Variants in DIP2B observed in about 807,000 individuals in gnomAD.
The protein encoded by DIP2B is disco-interacting protein 2 homolog B.
A neutral mutation model predicts 198.0 loss-of-function variants in DIP2B; 76 were observed. That is an observed-to-expected ratio of 0.38 (90% CI 0.32 to 0.46). DIP2B has a LOEUF of 0.46. Among genes scored for constraint, DIP2B ranks in the 20% least tolerant of loss-of-function variants. The pLI, the probability that DIP2B is intolerant of heterozygous loss-of-function variation, is 0.99. For synonymous variants in DIP2B, 701 were observed against 739.1 expected (o/e 0.95, Z 0.84); for missense variants, 1,559 against 1,978.4 (o/e 0.79, Z 4.02).
At chr12:50,525,513 C>CT (rs747688876) in intron 1 of DIP2B, among the ~76,000 whole-genome samples, 8,954 of 139,328 alleles carry the variant, frequency 0.064, 698 homozygotes, top group East Asian at 0.36. Context: ...TCTAGGTCCC[C>CT]TTTTTTTTTT....
chr12:50,543,858 AG>A (rs1160853766), intron 1 of DIP2B, among the ~76,000 whole-genome samples: 1 of 141,546 alleles, frequency 7.1e-6, no homozygotes, highest in Non-Finnish European at 1.5e-5. Context: ...TGGGAGGCAG[AG>A]GTTGCAGTGA....
At chr12:50,593,707 C>CCTCCCCTCCTCTCCTCTCCTCTCCT in intron 1 of DIP2B, among the ~76,000 whole-genome samples, 1 of 27,404 alleles carries the variant, frequency 3.6e-5, no homozygotes, top group East Asian at 2.1e-3. Context: ...TCTCCTCTCC[C>CCTCCCCTCCTCTCCTCTCCTCTCCT]CTCCTCTCCT....
rs1049638988 is a variant in DIP2B at position 50,628,917 on chromosome 12, C to T, written c.172+2870C>T. On this transcript the variant is annotated intron_variant, in intron 2 of 37. Transcript: ENST00000301180. ...TGTTTTGAGCAGGGTCTGGCTCTGT[C>T]GCCCAGGCTGGAGTGCAGTGGTGTG... Among the ~76,000 whole-genome samples the T allele has an allele frequency of 5.3e-5, 8 of 152,098 alleles. No homozygotes were observed. The East Asian group carries it at 1.3e-3, about 26-fold the overall frequency.
chr12:50,681,060 C>T (rs1939031808), intron 9 of DIP2B, among the ~76,000 whole-genome samples: 1 of 152,078 alleles, frequency 6.6e-6, no homozygotes, highest in Admixed American at 6.6e-5. Context: ...ATATTTGAAT[C>T]TTTAGACAAT....
chr12:50,725,714 A>G (rs1444179279), intron 28 of DIP2B, among the ~76,000 whole-genome samples: 1 of 152,240 alleles, frequency 6.6e-6, no homozygotes, highest in Non-Finnish European at 1.5e-5. Context: ...TATCCTTACA[A>G]TAACCCTGTA....
rs566711965 is a variant in DIP2B at position 50,660,543 on chromosome 12, C to T, written c.427+224C>T. On this transcript the variant is annotated intron_variant, in intron 4 of 37. Transcript: ENST00000301180. ...TTCAAAACTAAACAAAAAAACTTTC[C>T]TTCTGAATTTCCAGTCTTTTTTTTT... Among the ~76,000 whole-genome samples the T allele has an allele frequency of 7.9e-5, 12 of 152,050 alleles. No individual in the cohort carries two copies. The East Asian group carries it at 2.3e-3, about 29-fold the overall frequency.
intron 1 of DIP2B, among the ~76,000 whole-genome samples, chr12:50,506,246 T>A (rs1271889195): frequency 6.6e-6 from 1 of 152,170 alleles, no homozygotes; most frequent in Non-Finnish European, 1.5e-5. Flanking sequence ...TGATTGTGTC[T>A]CCAGAGTTGC....
At position 50,746,830 on chromosome 12, in the gene DIP2B, C is replaced by G. The variant is rs904250598; in HGVS notation, c.*1991C>G. The G allele has an allele frequency of 1.3e-5, 2 of 152,160 alleles. No individual in the cohort carries two copies. Among genetic ancestry groups the G allele is most frequent in the African/African-American group, 4.8e-5 (2 of 41,422 alleles). The allele number at this position is 152,160 out of a possible 1,614,324, so 9.4% of individuals were successfully genotyped here. On this transcript the variant is annotated 3_prime_UTR_variant, in exon 38 of 38. Transcript: ENST00000301180. ...CTGAAGCTGATATAAATAAGTCTAGCTCTATAATCCCCAAGTTCTAAAAGT... is the reference window on the plus strand; with the variant it reads ...CTGAAGCTGATATAAATAAGTCTAGGTCTATAATCCCCAAGTTCTAAAAGT...
At chr12:50,553,151 T>C (rs1958441704) in intron 1 of DIP2B, among the ~76,000 whole-genome samples, 1 of 152,224 alleles carries the variant, frequency 6.6e-6, no homozygotes, top group East Asian at 1.9e-4. Flanking sequence ...TAGTTTTCTA[T>C]ATGGTGTCAG....
In DIP2B at chr12:50,689,276, G is replaced by A. The variant is rs189010178; in HGVS notation, c.1552-1773G>A. 1.1e-4 allele frequency among the ~76,000 whole-genome samples: 16 copies of A among 147,106 alleles called. No individual in the cohort carries two copies. The East Asian group carries it at 3.1e-3, about 28-fold the overall frequency. On this transcript the variant is annotated intron_variant, in intron 12 of 37. Transcript: ENST00000301180. ...TAACCGGGTGTGGTGGCACATGCCTGTAGTCCCAGCTACTTGGGAGGCTGA... is the reference window on the plus strand; with the variant it reads ...TAACCGGGTGTGGTGGCACATGCCTATAGTCCCAGCTACTTGGGAGGCTGA...
At chr12:50,665,224 T>TGC (rs1938729048) in intron 4 of DIP2B, among the ~76,000 whole-genome samples, 1 of 152,168 alleles carries the variant, frequency 6.6e-6, no homozygotes, top group South Asian at 2.1e-4. Context: ...CTTCATGGAA[T>TGC]TATAGTACAT....
intron 1 of DIP2B, among the ~76,000 whole-genome samples, chr12:50,516,517 G>A (rs1958066679): frequency 6.6e-6 from 1 of 151,994 alleles, no homozygotes; most frequent in Non-Finnish European, 1.5e-5. Context: ...GCCTCCCAAA[G>A]TGCAGAGATT....
At chr12:50,654,081 C>T (rs925650044) in intron 3 of DIP2B, among the ~76,000 whole-genome samples, 1 of 152,002 alleles carries the variant, frequency 6.6e-6, no homozygotes, top group African/African-American at 2.4e-5. Context: ...ACCTTGTTGG[C>T]CAGGCTGTTC....
chr12:50,723,959 TGA>T (rs1282560286), intron 27 of DIP2B, among the ~76,000 whole-genome samples: 2 of 152,168 alleles, frequency 1.3e-5, no homozygotes, highest in Non-Finnish European at 2.9e-5. Context: ...TTATAGGATA[TGA>T]GAGTTAAAGA....
intron 22 of DIP2B, among the ~76,000 whole-genome samples, chr12:50,710,624 C>A (rs1392027323): frequency 2.0e-5 from 3 of 152,090 alleles, no homozygotes; most frequent in Admixed American, 6.6e-5. Flanking sequence ...AGATTTTCGC[C>A]ATGTTGGCCA....
intron 1 of DIP2B, among the ~76,000 whole-genome samples, chr12:50,524,593 A>G (rs939813663): frequency 2.0e-5 from 3 of 151,092 alleles, no homozygotes; most frequent in East Asian, 3.9e-4. Context: ...TTTTTAATTT[A>G]TCTGGTGTTT....
chr12:50,645,634 T>C (rs549339853), intron 3 of DIP2B, among the ~76,000 whole-genome samples: 1 of 152,206 alleles, frequency 6.6e-6, no homozygotes, highest in East Asian at 1.9e-4. Flanking sequence ...ACTTATTTTA[T>C]TTTTTGTAGA....
At chr12:50,664,228 CTTTA>C (rs1938706295) in intron 4 of DIP2B, among the ~76,000 whole-genome samples, 1 of 152,098 alleles carries the variant, frequency 6.6e-6, no homozygotes, top group Non-Finnish European at 1.5e-5. Context: ...GATATTTTGG[CTTTA>C]TTTATAGTAT....
rs1322782698 is a variant in DIP2B, at chr12:50,606,622, C to T, written c.101-19354C>T. Among the ~76,000 whole-genome samples, 4 of 152,144 alleles carry T rather than the reference C, an allele frequency of 2.6e-5. No individual in the cohort carries two copies. The East Asian group carries it at 7.7e-4, about 29-fold the overall frequency. ...ATAAAATTCACTCATTCCAAAAAGGCATACAACTCATATCAGGACCCTTTG... is the reference window on the plus strand; with the variant it reads ...ATAAAATTCACTCATTCCAAAAAGGTATACAACTCATATCAGGACCCTTTG... On this transcript the variant is annotated intron_variant, in intron 1 of 37. Transcript: ENST00000301180.
Sources: gnomAD v4.1 joint callset for allele counts (sites outside exome capture counted in the v4.1 genomes callset) on GRCh38, gnomAD v4.1.1 for gene constraint, MANE v1.5 for transcripts, NCBI Gene and HGNC (gene_info 2026-07-23, HGNC 2026-07-21) for gene names.